PPP6R2: variants seen among roughly 807,000 people sequenced by gnomAD.
PPP6R2 encodes serine/threonine-protein phosphatase 6 regulatory subunit 2.
A neutral mutation model predicts 100.2 loss-of-function variants in PPP6R2; 62 were observed. The observed-to-expected ratio is 0.62, with a 90% CI of 0.50 to 0.76. The LOEUF (loss-of-function observed/expected upper bound fraction) is 0.76, where lower values mean the gene tolerates loss of function less well. Ranked by LOEUF, PPP6R2 falls within the 30% of genes least tolerant of loss-of-function variation. PPP6R2 has a pLI of 0.00. For synonymous variants in PPP6R2, 525 were observed against 514.7 expected (o/e 1.02, Z -0.27); for missense variants, 1,142 against 1,276.3 (o/e 0.89, Z 1.60).
rs1271050484 is a variant in PPP6R2, at chr22:50,444,595, T to C, written c.*348T>C. 3.5e-6 allele frequency: 1 copy of C among 287,788 alleles called. No homozygotes were observed. The highest frequency in any genetic ancestry group is 6.4e-6 in the Non-Finnish European group (1 of 157,276). 17.8% of individuals were successfully genotyped at this position (287,788 alleles called of 1,614,324 possible). On this transcript the variant is annotated 3_prime_UTR_variant, in exon 24 of 24. Transcript: ENST00000612753. ...AGGACCTGATGGGCCAGGAAGGGCG[T>C]GGACATGGAGGCTGTTTTTACAGTT...
chr22:50,355,178 A>G (rs1480328958), intron 1 of PPP6R2, among the ~76,000 whole-genome samples: 2 of 146,588 alleles, frequency 1.4e-5, no homozygotes, highest in South Asian at 2.1e-4. Context: ...GTTTAGGGAT[A>G]CTCCTCCTAT....
At chr22:50,390,198 G>A in intron 2 of PPP6R2, among the ~76,000 whole-genome samples, 1 of 151,718 alleles carries the variant, frequency 6.6e-6, no homozygotes, top group Middle Eastern at 3.2e-3. Flanking sequence ...CACCATGTTG[G>A]TCAGGCTGGT....
chr22:50,444,153 C>T (rs201349009), intron 23 of PPP6R2, 36 bp downstream of exon 23: 9 of 1,611,868 alleles, frequency 5.6e-6, no homozygotes, highest in Admixed American at 1.7e-5. Context: ...GGGGTGTGGA[C>T]AGGGCCCGCA....
chr22:50,389,390 G>A (rs2054937978), intron 2 of PPP6R2, among the ~76,000 whole-genome samples: 1 of 152,170 alleles, frequency 6.6e-6, no homozygotes, highest in Non-Finnish European at 1.5e-5. Context: ...ATAGGGTGTA[G>A]TTGTGCAGAT....
chr22:50,375,093 GAGT>G (rs2148583122), intron 2 of PPP6R2, among the ~76,000 whole-genome samples: 1 of 152,206 alleles, frequency 6.6e-6, no homozygotes, highest in South Asian at 2.1e-4. Context: ...AGCCAGTAGA[GAGT>G]AGAATAATTC....
At chr22:50,400,218 G>A (rs958832603) in intron 3 of PPP6R2, among the ~76,000 whole-genome samples, 6 of 152,184 alleles carry the variant, frequency 3.9e-5, no homozygotes, top group Non-Finnish European at 7.3e-5. Flanking sequence ...ACACTGGGAG[G>A]AAGGGAACTT....
At chr22:50,355,445 C>T (rs2046296724) in intron 1 of PPP6R2, among the ~76,000 whole-genome samples, 1 of 150,862 alleles carries the variant, frequency 6.6e-6, no homozygotes, top group South Asian at 2.1e-4. Flanking sequence ...TCACTGTGGT[C>T]TCGATCTCCT....
chr22:50,358,656 T>A (rs1467955464), intron 1 of PPP6R2, among the ~76,000 whole-genome samples: 1 of 152,204 alleles, frequency 6.6e-6, no homozygotes, highest in Non-Finnish European at 1.5e-5. Flanking sequence ...GATTCTTTCC[T>A]TCCACTCTAT....
the PPP6R2 span, among the ~76,000 whole-genome samples, chr22:50,331,751 T>G: frequency 1.3e-5 from 2 of 151,960 alleles, no homozygotes; most frequent in Non-Finnish European, 2.9e-5. Flanking sequence ...GCCTCCCGAG[T>G]AGCTGGGATT....
intron 2 of PPP6R2, among the ~76,000 whole-genome samples, chr22:50,384,780 C>T (rs1279289441): frequency 6.6e-6 from 1 of 151,914 alleles, no homozygotes; most frequent in East Asian, 1.9e-4. Context: ...CACTCTGTTG[C>T]CTAAGCTGGA....
At chr22:50,422,541 G>C (rs1446344042) in intron 9 of PPP6R2, among the ~76,000 whole-genome samples, 161 bp downstream of exon 9, 1 of 152,190 alleles carries the variant, frequency 6.6e-6, no homozygotes, top group African/African-American at 2.4e-5. Context: ...GCACCGGGCA[G>C]GTGCCAAAAC....
chr22:50,374,692 G>T (rs983272189), intron 2 of PPP6R2, among the ~76,000 whole-genome samples: 1 of 152,100 alleles, frequency 6.6e-6, no homozygotes, highest in Non-Finnish European at 1.5e-5. Flanking sequence ...AAGGTGGGCG[G>T]ATCATAAGGT....
At chr22:50,334,286 A>G in the PPP6R2 span, among the ~76,000 whole-genome samples, 1 of 152,268 alleles carries the variant, frequency 6.6e-6, no homozygotes, top group East Asian at 1.9e-4. Flanking sequence ...CGTTACCGCT[A>G]GACCAAGGAG....
chr22:50,332,820 C>T, the PPP6R2 span, among the ~76,000 whole-genome samples: 1 of 152,008 alleles, frequency 6.6e-6, no homozygotes, highest in African/African-American at 2.4e-5. Context: ...GACGGGGTTT[C>T]ACCATGTTGG....
At chr22:50,417,998 G>A (rs1407964491) in intron 6 of PPP6R2, among the ~76,000 whole-genome samples, 1 of 152,152 alleles carries the variant, frequency 6.6e-6, no homozygotes, top group Non-Finnish European at 1.5e-5. Context: ...TTCCCATCAC[G>A]GATTGCGTGT....
At chr22:50,400,281 C>G (rs1240572188) in intron 3 of PPP6R2, among the ~76,000 whole-genome samples, 4 of 152,256 alleles carry the variant, frequency 2.6e-5, no homozygotes, top group African/African-American at 9.6e-5. Context: ...CATTGTCCAT[C>G]TCCTGTCATG....
At chr22:50,355,740 C>G (rs1281031256) in intron 1 of PPP6R2, among the ~76,000 whole-genome samples, 1 of 149,318 alleles carries the variant, frequency 6.7e-6, no homozygotes, top group African/African-American at 2.5e-5. Flanking sequence ...CCAGGATGGT[C>G]TCGATCTCCT....
At position 50,438,368 on chromosome 22, in the gene PPP6R2, C is replaced by T. The variant is rs2064852230; in HGVS notation, c.1964+70C>T. On this transcript the variant is annotated intron_variant, in intron 18 of 23. Transcript: ENST00000612753. Reference sequence around the variant, plus strand: ...CAGCCCCCAGAACACCTGTCAGACGCCCTGTGGTTCGTTAGCTGGCTTGCA... The same window carrying T: ...CAGCCCCCAGAACACCTGTCAGACGTCCTGTGGTTCGTTAGCTGGCTTGCA... 5 of 1,555,952 alleles carry T rather than the reference C, an allele frequency of 3.2e-6. No individual in the cohort carries two copies. The African/African-American group carries it at 4.1e-5, about 13-fold the overall frequency.
chr22:50,438,178 G>A lies in PPP6R2; in HGVS notation c.1844G>A (p.Ser615Asn). The A allele has an allele frequency of 6.2e-7, 1 of 1,612,588 alleles. No homozygotes were observed. Among genetic ancestry groups the A allele is most frequent in the Non-Finnish European group, 8.5e-7 (1 of 1,179,390 alleles). The change falls in exon 18 of 24, where the codon AGC (serine) becomes AAC (asparagine). Residue 615 changes from serine to asparagine, a missense_variant. Ser to Asn is a conservative substitution (Grantham distance 46). Coordinates refer to ENST00000612753, the MANE Select transcript of PPP6R2 (RefSeq NM_001242898.2). ...FNIDADEDSP[S>N]AALFEACCSD... The stretch of plus-strand genomic sequence containing the variant: ...CCTTGGCGTTTTACTCTGCAGCCCA[G>A]CGCAGCTCTGTTTGAGGCCTGCTGC...
Sources: allele counts gnomAD v4.1 joint callset (sites outside exome capture counted in the v4.1 genomes callset), GRCh38; gene constraint gnomAD v4.1.1; transcripts MANE v1.5; gene names NCBI Gene and HGNC (gene_info 2026-07-23, HGNC 2026-07-21).